Variants in CADM2 observed in about 807,000 individuals in gnomAD.
CADM2 encodes immunoglobulin superfamily member 4D.
In CADM2, 12 loss-of-function variants were observed where a neutral mutation model predicts 49.8. The observed-to-expected ratio is 0.24, with a 90% confidence interval of 0.15 to 0.39. The LOEUF (loss-of-function observed/expected upper bound fraction) is 0.39, where lower values mean the gene tolerates loss of function less well. Among genes scored for constraint, CADM2 ranks in the 10% least tolerant of loss-of-function variants. CADM2 has a pLI of 1.00. For missense variants in CADM2, 378 were observed against 492.3 expected, an observed-to-expected ratio of 0.77 and a Z score of 2.20; for synonymous variants, 214 against 175.4, an observed-to-expected ratio of 1.22 and a Z score of -1.74.
intron 1 of CADM2, among the ~76,000 whole-genome samples, chr3:85,432,940 C>T (rs1006551684): frequency 2.0e-5 from 3 of 151,874 alleles, no homozygotes; most frequent in Admixed American, 6.6e-5. Flanking sequence ...TCTCATTATG[C>T]TCCAATTTTA....
intron 8 of CADM2, among the ~76,000 whole-genome samples, chr3:85,965,242 C>T (rs1725328439): frequency 6.7e-6 from 1 of 148,546 alleles, no homozygotes; most frequent in Admixed American, 6.8e-5. Context: ...AAAATACTAA[C>T]ATATAACTAT....
chr3:85,568,444 T>TTTCTTTCTTTCTTTCA lies in CADM2; in HGVS notation c.62-158063_62-158062insATTCTTTCTTTCTTTC, dbSNP rs1553743604. Among the ~76,000 whole-genome samples the TTTCTTTCTTTCTTTCA allele has an allele frequency of 4.9e-3, 185 of 37,804 alleles. 14 individuals carry two copies. The East Asian group carries it at 0.066, about 13-fold the overall frequency. 24.8% of individuals were successfully genotyped at this position (37,804 alleles called of 152,430 possible). ...CTTTCTTTCTTTCTTTCTTTCTTTCTTTCTTTCTTTCTTTCTTTCTCTTTC... is the reference window on the plus strand; with the variant it reads ...CTTTCTTTCTTTCTTTCTTTCTTTCTTTCTTTCTTTCTTTCATTCTTTCTTTCTTTCTTTCTCTTTC... On this transcript the variant is annotated intron_variant, in intron 1 of 9. Coordinates refer to ENST00000383699, the MANE Select transcript of CADM2 (RefSeq NM_001167675.2).
chr3:85,763,077 T>C (rs2069472030), intron 2 of CADM2, among the ~76,000 whole-genome samples: 1 of 152,122 alleles, frequency 6.6e-6, no homozygotes, highest in African/African-American at 2.4e-5. Context: ...GATAAGACAA[T>C]GAGTTCCTTA....
intron 1 of CADM2, among the ~76,000 whole-genome samples, chr3:85,186,716 C>A (rs892580694): frequency 6.6e-6 from 1 of 151,636 alleles, no homozygotes. Context: ...CAATCGGAAA[C>A]GTCTCCAGAG....
intron 1 of CADM2, among the ~76,000 whole-genome samples, chr3:85,028,889 C>T (rs1260120166): frequency 6.6e-6 from 1 of 151,536 alleles, no homozygotes; most frequent in African/African-American, 2.4e-5. Flanking sequence ...TATCCAAATC[C>T]CTAGAATATG....
chr3:85,162,691 A>G (rs1047234486), intron 1 of CADM2, among the ~76,000 whole-genome samples: 1 of 152,084 alleles, frequency 6.6e-6, no homozygotes. Context: ...TTAAATAGTA[A>G]TATTTTTGAA....
In CADM2 at chr3:85,707,363, T is replaced by C. The variant is rs551299615; in HGVS notation, c.62-19159T>C. Among the ~76,000 whole-genome samples, 7 of 151,356 alleles carry C rather than the reference T, an allele frequency of 4.6e-5. No individual in the cohort carries two copies. The South Asian group carries it at 1.5e-3, about 32-fold the overall frequency. ...ACTATTTTCTAGGACTTCCCAGTGC[T>C]AGTTTTCTAGGAAGACTATATCATT... is the stretch of plus-strand genomic sequence containing the variant. On this transcript the variant is annotated intron_variant, in intron 1 of 9. Transcript: ENST00000383699.
At chr3:85,989,719 T>C (rs1728524233) in intron 8 of CADM2, among the ~76,000 whole-genome samples, 2 of 151,956 alleles carry the variant, frequency 1.3e-5, no homozygotes, top group South Asian at 2.1e-4. Context: ...AAGTCTATAA[T>C]AGAAAACTAG....
chr3:85,229,354 G>A (rs1333393815), intron 1 of CADM2, among the ~76,000 whole-genome samples: 1 of 152,182 alleles, frequency 6.6e-6, no homozygotes, highest in Non-Finnish European at 1.5e-5. Context: ...TACTGGTACA[G>A]TCTCTCACGG....
At chr3:85,163,585 A>G (rs2040387743) in intron 1 of CADM2, among the ~76,000 whole-genome samples, 1 of 152,080 alleles carries the variant, frequency 6.6e-6, no homozygotes, top group African/African-American at 2.4e-5. Context: ...TGTATTTAAG[A>G]TACAAAAATA....
chr3:85,781,959 C>G (rs1266828687), intron 2 of CADM2, among the ~76,000 whole-genome samples: 1 of 152,204 alleles, frequency 6.6e-6, no homozygotes, highest in East Asian at 1.9e-4. Context: ...TTTTGAAATA[C>G]TGCCAACATT....
intron 8 of CADM2, among the ~76,000 whole-genome samples, chr3:86,032,265 G>C (rs1734644029): frequency 6.6e-6 from 1 of 151,614 alleles, no homozygotes; most frequent in Non-Finnish European, 1.5e-5. Flanking sequence ...TAAAACTTCT[G>C]GTAATTTGTA....
At chr3:85,641,561 A>G (rs1017981132) in intron 1 of CADM2, among the ~76,000 whole-genome samples, 1 of 152,170 alleles carries the variant, frequency 6.6e-6, no homozygotes, top group African/African-American at 2.4e-5. Context: ...AGTTAGAATT[A>G]TATCTAATAT....
intron 2 of CADM2, among the ~76,000 whole-genome samples, chr3:85,766,732 C>T (rs1337129926): frequency 2.0e-5 from 3 of 152,086 alleles, no homozygotes; most frequent in African/African-American, 4.8e-5. Flanking sequence ...GTCCCATTGT[C>T]CAATTTTATC....
intron 1 of CADM2, among the ~76,000 whole-genome samples, chr3:85,272,899 GCAA>G (rs1022409225): frequency 4.6e-5 from 7 of 150,966 alleles, no homozygotes; most frequent in African/African-American, 7.3e-5. Flanking sequence ...CAGACACTAA[GCAA>G]CAACAACAAC....
chr3:85,167,982 A>G (rs1228304283), intron 1 of CADM2, among the ~76,000 whole-genome samples: 2 of 152,060 alleles, frequency 1.3e-5, no homozygotes, highest in Non-Finnish European at 1.5e-5. Flanking sequence ...CTTCGGGCCT[A>G]AACAGTGAAA....
intron 1 of CADM2, among the ~76,000 whole-genome samples, chr3:85,492,114 C>A (rs751424849): frequency 6.6e-6 from 1 of 151,956 alleles, no homozygotes; most frequent in Non-Finnish European, 1.5e-5. Context: ...AAAACAAATC[C>A]CTATTTTCCT....
At chr3:85,877,593 G>T (rs184331394) in intron 3 of CADM2, among the ~76,000 whole-genome samples, 1 of 151,008 alleles carries the variant, frequency 6.6e-6, no homozygotes, top group East Asian at 2.0e-4. Context: ...ATTTTCCAGT[G>T]AACTGTCACT....
intron 8 of CADM2, among the ~76,000 whole-genome samples, chr3:86,051,552 T>C (rs1737347317): frequency 6.6e-6 from 1 of 152,200 alleles, no homozygotes; most frequent in Admixed American, 6.5e-5. Context: ...ATTAGTCTGT[T>C]ATAGCATTGC....
Sources: gnomAD v4.1 joint callset for allele counts (sites outside exome capture counted in the v4.1 genomes callset) on GRCh38, gnomAD v4.1.1 for gene constraint, MANE v1.5 for transcripts, NCBI Gene and HGNC (gene_info 2026-07-23, HGNC 2026-07-21) for gene names.